Variants in ERICH3 observed in about 807,000 individuals in gnomAD.
ERICH3 encodes glutamate-rich protein 3.
ERICH3 carries 126 observed loss-of-function variants against 131.1 expected under a neutral mutation model. The ratio of observed to expected loss-of-function variants is 0.96; its 90% confidence interval spans 0.83 to 1.11. The LOEUF (loss-of-function observed/expected upper bound fraction) is 1.11. ERICH3 is among the 50% of genes most tolerant of loss of function. ERICH3 has a pLI of 0.00. For synonymous variants in ERICH3, 695 were observed against 644.6 expected (o/e 1.08, Z -1.18); for missense variants, 2,050 against 1,810.7 (o/e 1.13, Z -2.40).
intron 10 of ERICH3, among the ~76,000 whole-genome samples, chr1:74,605,500 C>T (rs1291527028): frequency 6.6e-5 from 10 of 151,572 alleles, no homozygotes; most frequent in Non-Finnish European, 1.2e-4. Flanking sequence ...TAAGCCTAAT[C>T]GTTTTTTTTT....
At chr1:74,667,189 C>T (rs1349739909) in intron 1 of ERICH3, among the ~76,000 whole-genome samples, 2 of 152,004 alleles carry the variant, frequency 1.3e-5, no homozygotes, top group Non-Finnish European at 2.9e-5. Context: ...TGATTTTCCT[C>T]TATCTTTTTT....
intron 1 of ERICH3, among the ~76,000 whole-genome samples, chr1:74,671,718 G>A (rs562965085): frequency 1.2e-4 from 19 of 152,252 alleles, no homozygotes; most frequent in South Asian, 4.1e-4. Flanking sequence ...CTGGCACATC[G>A]TATGCACATA....
intron 11 of ERICH3, 110 bp downstream of exon 11, chr1:74,599,585 A>G: frequency 1.0e-6 from 1 of 958,230 alleles, no homozygotes; most frequent in Admixed American, 2.5e-5. Context: ...GTTAGAAAAC[A>G]TACATTCAAG....
intron 4 of ERICH3, among the ~76,000 whole-genome samples, chr1:74,641,669 T>A (rs1646439012): frequency 6.6e-6 from 1 of 152,044 alleles, no homozygotes; most frequent in Non-Finnish European, 1.5e-5. Context: ...AAGCAGTGTA[T>A]CCTCCATTTT....
Position 74,571,736 on chromosome 1 carries a change from T to C in ERICH3, c.3974A>G (p.Asn1325Ser). ...TCCCATGCCCTCATTCTTTTGTGTG[T>C]TTCCTTCTCCTTCCATGTCCCCGTC... is the stretch of plus-strand genomic sequence containing the variant. ...EGDGDMEGEG[N>S]TQKNEGMGGG... The change falls in exon 14 of 15, where the codon AAC becomes AGC. Residue 1325 changes from asparagine (N) to serine (S), a missense_variant. Coordinates refer to ENST00000326665, the MANE Select transcript of ERICH3 (RefSeq NM_001002912.5). 2 of 1,614,134 alleles carry C rather than the reference T, an allele frequency of 1.2e-6. No homozygotes were observed. The highest frequency in any genetic ancestry group is 1.7e-6 in the Non-Finnish European group (2 of 1,180,018).
chr1:74,618,412 G>A (rs1038808729), intron 8 of ERICH3, among the ~76,000 whole-genome samples: 1 of 152,142 alleles, frequency 6.6e-6, no homozygotes, highest in Non-Finnish European at 1.5e-5. Flanking sequence ...TGAAGCAGCT[G>A]TATTTGCCAC....
At chr1:74,584,776 T>C (rs1461632901) in intron 12 of ERICH3, among the ~76,000 whole-genome samples, 1 of 152,184 alleles carries the variant, frequency 6.6e-6, no homozygotes, top group African/African-American at 2.4e-5. Flanking sequence ...ATGTTCACAT[T>C]GAGAACAGTG....
intron 5 of ERICH3, among the ~76,000 whole-genome samples, 198 bp from the exon 6 acceptor site, chr1:74,636,636 T>C (rs1323776886): frequency 6.6e-6 from 1 of 152,184 alleles, no homozygotes; most frequent in Non-Finnish European, 1.5e-5. Context: ...TGAAGTCCTC[T>C]ACATAACTAA....
chr1:74,601,086 T>C (rs1370958156), intron 10 of ERICH3, among the ~76,000 whole-genome samples: 4 of 151,754 alleles, frequency 2.6e-5, no homozygotes, highest in African/African-American at 9.7e-5. Flanking sequence ...ATCACAAAAA[T>C]GTTTCCACAA....
At chr1:74,657,324 T>C (rs867357263) in intron 1 of ERICH3, among the ~76,000 whole-genome samples, 1 of 152,144 alleles carries the variant, frequency 6.6e-6, no homozygotes, top group Admixed American at 6.6e-5. Flanking sequence ...GAAAAGTATA[T>C]CCTTTTGAAG....
intron 10 of ERICH3, among the ~76,000 whole-genome samples, chr1:74,606,170 A>G (rs1212182636): frequency 6.6e-6 from 1 of 151,930 alleles, no homozygotes; most frequent in Non-Finnish European, 1.5e-5. Context: ...CCTATAGTCA[A>G]CTGCCTTTAG....
In ERICH3 at chr1:74,590,462, G is replaced by T. The variant is rs140367736; in HGVS notation, c.1727-382C>A. On this transcript the variant is annotated intron_variant, in intron 11 of 14. Coordinates refer to ENST00000326665, the MANE Select transcript of ERICH3 (RefSeq NM_001002912.5). ...TCCTGCATCTGGACGGTCAGATTTG[G>T]AGATAATGCGAGACAGTGGCAGACC... Among the ~76,000 whole-genome samples, 54 of 152,304 alleles carry T rather than the reference G, an allele frequency of 3.5e-4. No homozygotes were observed. In the Middle Eastern group the frequency reaches 0.01, roughly 29 times the overall value.
chr1:74,665,185 C>T (rs569300806), intron 1 of ERICH3, among the ~76,000 whole-genome samples: 1 of 151,016 alleles, frequency 6.6e-6, no homozygotes, highest in African/African-American at 2.5e-5. Context: ...CCATCTGCAG[C>T]CTGGGCGACA....
chr1:74,663,350 A>G (rs1034548402), intron 1 of ERICH3, among the ~76,000 whole-genome samples: 1 of 152,166 alleles, frequency 6.6e-6, no homozygotes, highest in Non-Finnish European at 1.5e-5. Context: ...CACAACAACT[A>G]TCTGGCAAAT....
At chr1:74,653,249 T>G (rs1164352487) in intron 1 of ERICH3, among the ~76,000 whole-genome samples, 1 of 152,104 alleles carries the variant, frequency 6.6e-6, no homozygotes, top group Non-Finnish European at 1.5e-5. Context: ...AGCTTATTGT[T>G]TAATGACTAA....
At chr1:74,665,381 A>C (rs907958441) in intron 1 of ERICH3, among the ~76,000 whole-genome samples, 6 of 152,100 alleles carry the variant, frequency 3.9e-5, no homozygotes, top group Non-Finnish European at 8.8e-5. Flanking sequence ...TAAGACCCCC[A>C]TGACCCCCAT....
chr1:74,606,633 A>C lies in ERICH3; in HGVS notation c.1457T>G (p.Leu486Trp), dbSNP rs1409992329. 6 of 1,610,550 alleles carry C rather than the reference A, an allele frequency of 3.7e-6. No individual in the cohort carries two copies. The highest frequency in any genetic ancestry group is 5.1e-6 in the Non-Finnish European group (6 of 1,178,484). ...TAAAGTATTTTCCTGGTCGTCTTCC[A>C]AGACTTCTTGTCCTGGTTTTCCTTT... ...TSKGKPGQEV[L>W]EDDQENTLKY... The change falls in exon 10 of 15, where the codon TTG (leucine) becomes TGG (tryptophan). Residue 486 changes from leucine (L) to tryptophan (W), a missense_variant. Leu to Trp is a moderately conservative substitution (Grantham distance 61). Transcript: ENST00000326665.
intron 4 of ERICH3, among the ~76,000 whole-genome samples, 168 bp from the exon 5 acceptor site, chr1:74,641,627 G>A (rs1202709947): frequency 6.6e-6 from 1 of 151,980 alleles, no homozygotes; most frequent in East Asian, 1.9e-4. Context: ...AAATTGAGTC[G>A]GCTTTAGTTG....
chr1:74,623,836 T>C (rs1649319226), intron 7 of ERICH3: 1 of 152,138 alleles, frequency 6.6e-6, no homozygotes, highest in Non-Finnish European at 1.5e-5. Context: ...ACCTACTATC[T>C]CCCAGTGATT....
Sources: gnomAD v4.1 joint callset for allele counts (sites outside exome capture counted in the v4.1 genomes callset) on GRCh38, gnomAD v4.1.1 for gene constraint, MANE v1.5 for transcripts, NCBI Gene and HGNC (gene_info 2026-07-23, HGNC 2026-07-21) for gene names.